The following OTOG variants were observed in gnomAD, a reference collection of about 807,000 sequenced individuals.
OTOG encodes otogelin.
A neutral mutation model predicts 313.8 loss-of-function variants in OTOG; 296 were observed. That is an observed-to-expected ratio of 0.94 (90% CI 0.86 to 1.04). OTOG has a LOEUF of 1.04. Ranked by LOEUF, OTOG falls within the 50% of genes least tolerant of loss-of-function variation. The probability of loss-of-function intolerance (pLI) is 0.00; values close to 1 mark genes in which losing one functional copy is unlikely to be tolerated. For synonymous variants in OTOG, 1,533 were observed against 1,554.9 expected (o/e 0.99, Z 0.33); for missense variants, 3,948 against 3,840.1 (o/e 1.03, Z -0.74).
chr11:17,639,350 G>A, intron 48 of OTOG, 73 bp from the exon 49 acceptor site: 2 of 1,484,916 alleles, frequency 1.3e-6, no homozygotes, highest in Non-Finnish European at 1.8e-6. Flanking sequence ...AGCAGTGAGA[G>A]GTCCAGGGTA....
Position 17,561,685 on chromosome 11 carries a change from A to G in OTOG, c.1522A>G (p.Ile508Val), listed in dbSNP as rs2134011205. The G allele has an allele frequency of 6.4e-7, 1 of 1,550,462 alleles. No individual in the cohort carries two copies. Among genetic ancestry groups the G allele is most frequent in the Non-Finnish European group, 8.7e-7 (1 of 1,146,958 alleles). Residue 508 changes from isoleucine to valine, a missense_variant, in exon 15 of 56, where the codon ATT becomes GTT. Coordinates refer to ENST00000399397, the MANE Select transcript of OTOG (RefSeq NM_001292063.2). The part of the protein sequence containing the change: ...CPAECSVTGD[I>V]HFTTFDGRRY... Reference sequence around the variant, plus strand: ...AGCTGAGTGCTCAGTGACTGGTGACATTCACTTCACAACCTTTGATGGCCG... The same window carrying G: ...AGCTGAGTGCTCAGTGACTGGTGACGTTCACTTCACAACCTTTGATGGCCG...
intron 8 of OTOG, 61 bp downstream of exon 8, chr11:17,557,384 G>A: frequency 1.3e-6 from 2 of 1,498,210 alleles, no homozygotes; most frequent in Non-Finnish European, 1.8e-6. Context: ...AGGTCAGGCT[G>A]GGAGGGGTTG....
At position 17,634,155 on chromosome 11, in the gene OTOG, G is replaced by T; in HGVS notation, c.7354G>T (p.Ala2452Ser). The change falls in exon 44 of 56, where the codon GCC (alanine) becomes TCC (serine). Residue 2452 changes from alanine to serine, a missense_variant. Transcript: ENST00000399397. The part of the protein sequence containing the change: ...LSGCCQHQCQ[A>S]PDTIVPVDLG... ...CGGCTGCTGCCAGCACCAGTGCCAAGCCCCAGACACCATTGTCCCGGTGGA... is the reference window on the plus strand; with the variant it reads ...CGGCTGCTGCCAGCACCAGTGCCAATCCCCAGACACCATTGTCCCGGTGGA... 6.5e-7 allele frequency: 1 copy of T among 1,549,940 alleles called. No homozygotes were observed.
Position 17,576,900 on chromosome 11 carries a change from G to T in OTOG, c.2594G>T (p.Ser865Ile). The change falls in exon 22 of 56, where the codon AGC becomes ATC. Residue 865 changes from serine to isoleucine, a missense_variant. Transcript: ENST00000399397. ...HCKDGVMSCD[S>I]RAPAAACPAG... ...AAAGATGGAGTCATGAGCTGTGATAGCAGAGCCCCAGGTAAGGGTGGGTGG... is the reference window on the plus strand; with the variant it reads ...AAAGATGGAGTCATGAGCTGTGATATCAGAGCCCCAGGTAAGGGTGGGTGG... 1.3e-6 allele frequency: 2 copies of T among 1,550,494 alleles called. No individual in the cohort carries two copies. Among genetic ancestry groups the T allele is most frequent in the Non-Finnish European group, 1.7e-6 (2 of 1,146,964 alleles).
chr11:17,591,349 G>C (rs1852927750), intron 24 of OTOG, 101 bp from the exon 25 acceptor site: 3 of 1,444,254 alleles, frequency 2.1e-6, no homozygotes, highest in Middle Eastern at 1.8e-4. Flanking sequence ...CTTTGCCGAG[G>C]GACACAGTGC....
chr11:17,638,322 C>T (rs1847896846), intron 47 of OTOG, 129 bp from the exon 48 acceptor site: 2 of 776,874 alleles, frequency 2.6e-6, no homozygotes. Context: ...TTCCCTGGGG[C>T]TCTGAGGACA....
chr11:17,573,908 C>G (rs1318357647), intron 19 of OTOG, among the ~76,000 whole-genome samples: 1 of 152,248 alleles, frequency 6.6e-6, no homozygotes, highest in Non-Finnish European at 1.5e-5. Flanking sequence ...CCCTGATTCT[C>G]TCTGAGCTAG....
intron 24 of OTOG, 95 bp downstream of exon 24, chr11:17,586,676 A>G: frequency 1.7e-6 from 1 of 590,736 alleles, no homozygotes; most frequent in Non-Finnish European, 2.6e-6. Flanking sequence ...TTCCCATTTC[A>G]TTATGTTTGT....
chr11:17,642,848 TCATA>T (rs1237116200), intron 53 of OTOG, among the ~76,000 whole-genome samples: 1 of 152,114 alleles, frequency 6.6e-6, no homozygotes, highest in Non-Finnish European at 1.5e-5. Flanking sequence ...TCAATGACAC[TCATA>T]CACACACCCA....
chr11:17,576,142 A>G (rs1852520383), intron 20 of OTOG, among the ~76,000 whole-genome samples: 1 of 152,222 alleles, frequency 6.6e-6, no homozygotes, highest in Admixed American at 6.5e-5. Flanking sequence ...GGCACTGAGC[A>G]ATTGGAATAG....
chr11:17,559,765 AGG>A, intron 12 of OTOG, 103 bp downstream of exon 12: 8 of 356,798 alleles, frequency 2.2e-5, no homozygotes, highest in East Asian at 1.1e-4. Flanking sequence ...GAAGGAAGGA[AGG>A]AAAGGAGGGA....
At chr11:17,563,509 C>T (rs1852233174) in intron 15 of OTOG, among the ~76,000 whole-genome samples, 1 of 152,222 alleles carries the variant, frequency 6.6e-6, no homozygotes, top group Admixed American at 6.5e-5. Context: ...TGGCCCAGCC[C>T]TGGCTTGGCT....
At chr11:17,635,004 A>G in intron 45 of OTOG, 56 bp downstream of exon 45, 4 of 1,532,572 alleles carry the variant, frequency 2.6e-6, no homozygotes, top group Non-Finnish European at 3.5e-6. Context: ...TGGGGGGAGG[A>G]CAGCTCTGGG....
Position 17,574,720 on chromosome 11 carries a change from C to A in OTOG, c.2294C>A (p.Ala765Glu). 1.3e-6 allele frequency: 2 copies of A among 1,550,188 alleles called. No homozygotes were observed. Among genetic ancestry groups the A allele is most frequent in the African/African-American group, 2.7e-5 (2 of 73,168 alleles). ...VDFRARLPAC[A>E]LSCEASKEYS... ...ATGCACCACTCCCCCCTCACTGCAG[C>A]ACTGTCCTGTGAGGCCTCCAAGGAG... The change falls in exon 20 of 56, where the codon GCA becomes GAA. Residue 765 changes from alanine to glutamate, a missense_variant and splice_region_variant. Ala to Glu is a moderately radical substitution (Grantham distance 107). Coordinates refer to ENST00000399397, the MANE Select transcript of OTOG (RefSeq NM_001292063.2).
At chr11:17,602,101 T>C in intron 31 of OTOG, 109 bp from the exon 32 acceptor site, 1 of 1,246,178 alleles carries the variant, frequency 8.0e-7, no homozygotes. Flanking sequence ...CAAGAGTTCC[T>C]CCTTGGTAGC....
At chr11:17,606,404 A>G (rs1853390942) in intron 33 of OTOG, among the ~76,000 whole-genome samples, 1 of 152,248 alleles carries the variant, frequency 6.6e-6, no homozygotes, top group Non-Finnish European at 1.5e-5. Flanking sequence ...GTCTAAAAAT[A>G]TAGCAGCCTT....
intron 1 of OTOG, 23 bp from the exon 2 acceptor site, chr11:17,547,904 T>C (rs1431457827): frequency 1.3e-5 from 6 of 448,700 alleles, no homozygotes; most frequent in Non-Finnish European, 2.3e-5. Flanking sequence ...ACAATTTGAG[T>C]GGAGAATAAT....
At chr11:17,625,023 C>A (rs1853951520) in intron 39 of OTOG, among the ~76,000 whole-genome samples, 1 of 152,120 alleles carries the variant, frequency 6.6e-6, no homozygotes, top group African/African-American at 2.4e-5. Context: ...TGAGACTTTG[C>A]TGAAGTTGTT....
At chr11:17,619,677 A>G (rs1853815204) in intron 39 of OTOG, among the ~76,000 whole-genome samples, 1 of 152,120 alleles carries the variant, frequency 6.6e-6, no homozygotes, top group Admixed American at 6.5e-5. Context: ...GTATACTGCT[A>G]TTTCCTTTCA....
Sources: allele counts gnomAD v4.1 joint callset (sites outside exome capture counted in the v4.1 genomes callset), GRCh38; gene constraint gnomAD v4.1.1; transcripts MANE v1.5; gene names NCBI Gene and HGNC (gene_info 2026-07-23, HGNC 2026-07-21).